Variants in PDGFRA observed in about 807,000 individuals in gnomAD.
The protein encoded by PDGFRA is platelet derived growth factor receptor alpha.
In PDGFRA, 25 loss-of-function variants were observed where a neutral mutation model predicts 121.5. The ratio of observed to expected loss-of-function variants is 0.21; its 90% CI spans 0.15 to 0.29. PDGFRA has a LOEUF of 0.29. PDGFRA is among the 10% of genes least tolerant of loss of function. PDGFRA has a pLI of 1.00. For missense variants in PDGFRA, 1,008 were observed against 1,345.1 expected (o/e 0.75, Z 3.92); for synonymous variants, 463 against 494.8 (o/e 0.94, Z 0.85).
intron 16 of PDGFRA, chr4:54,281,887 C>T (rs1347620419): frequency 5.2e-6 from 6 of 1,159,484 alleles, no homozygotes; most frequent in South Asian, 2.5e-5. Context: ...GATGCTATCA[C>T]ATGTGATTGG....
At chr4:54,282,688 A>AAT (rs746325817) in intron 16 of PDGFRA, among the ~76,000 whole-genome samples, 4 of 152,204 alleles carry the variant, frequency 2.6e-5, no homozygotes, top group Non-Finnish European at 5.9e-5. Context: ...ATCCCTCCAC[A>AAT]ATAGTCCCCT....
At chr4:54,262,219 T>C (rs1722788647) in intron 3 of PDGFRA, among the ~76,000 whole-genome samples, 1 of 151,876 alleles carries the variant, frequency 6.6e-6, no homozygotes. Context: ...CGTGAGCCAC[T>C]GTGCCCTAAT....
chr4:54,255,117 C>A (rs538788663), intron 1 of PDGFRA, among the ~76,000 whole-genome samples: 1 of 152,156 alleles, frequency 6.6e-6, no homozygotes, highest in African/African-American at 2.4e-5. Flanking sequence ...AGCTGTGTGA[C>A]CTTGGGTCAT....
intron 4 of PDGFRA, 41 bp from the exon 5 acceptor site, chr4:54,264,878 C>T (rs772119455): frequency 6.4e-7 from 1 of 1,567,424 alleles, no homozygotes; most frequent in South Asian, 1.1e-5. Context: ...TCCTGGCTAT[C>T]CTGTGGATTT....
intron 8 of PDGFRA, 116 bp from the exon 9 acceptor site, chr4:54,272,278 C>G: frequency 9.4e-7 from 1 of 1,069,234 alleles, no homozygotes; most frequent in Non-Finnish European, 1.4e-6. Flanking sequence ...GGTTTCAGCC[C>G]CTCCGGAGTG....
chr4:54,233,878 A>T (rs540949392), intron 1 of PDGFRA, among the ~76,000 whole-genome samples: 1 of 152,096 alleles, frequency 6.6e-6, no homozygotes, highest in East Asian at 2.0e-4. Flanking sequence ...CAACGGTAAC[A>T]GTCGTTTCCA....
chr4:54,273,511 T>C (rs1285303361), intron 9 of PDGFRA, 26 bp from the exon 10 acceptor site: 1 of 1,601,052 alleles, frequency 6.2e-7, no homozygotes, highest in Non-Finnish European at 8.6e-7. Flanking sequence ...GAATTGGCCC[T>C]ATACTTAGGC....
chr4:54,267,770 T>C lies in PDGFRA; in HGVS notation c.1121+29T>C, dbSNP rs778296550. ...AAGAAACTCTCTGCCCAAGTATGCC[T>C]TTTTTTAGTGTGCATCAGAGGCGGA... On this transcript the variant is annotated intron_variant, in intron 7 of 22. Coordinates refer to ENST00000257290, the MANE Select transcript of PDGFRA (RefSeq NM_006206.6). 1.7e-5 allele frequency: 26 copies of C among 1,573,934 alleles called. No homozygotes were observed. In the South Asian group the frequency reaches 2.9e-4, roughly 17 times the overall value.
chr4:54,291,645 TG>T (rs1339429653), intron 22 of PDGFRA, among the ~76,000 whole-genome samples: 1 of 152,078 alleles, frequency 6.6e-6, no homozygotes, highest in African/African-American at 2.4e-5. Context: ...CTGGTGAGGT[TG>T]TGGAGAAAAG....
intron 15 of PDGFRA, among the ~76,000 whole-genome samples, chr4:54,279,882 C>A (rs527461537): frequency 6.6e-6 from 1 of 151,146 alleles, no homozygotes; most frequent in Admixed American, 6.6e-5. Context: ...GCCATTAATT[C>A]ATTCCTTTTT....
chr4:54,241,377 T>G (rs2110189396), intron 1 of PDGFRA, among the ~76,000 whole-genome samples: 2 of 152,214 alleles, frequency 1.3e-5, no homozygotes, highest in Middle Eastern at 6.8e-3. Flanking sequence ...GTAGAATGAC[T>G]GATTGTTTAG....
At chr4:54,272,546 C>T in intron 9 of PDGFRA, 26 bp downstream of exon 9, 1 of 1,609,682 alleles carries the variant, frequency 6.2e-7, no homozygotes, top group Non-Finnish European at 8.5e-7. Context: ...GTGTCTTCTT[C>T]TTTCGTGGTC....
chr4:54,269,500 TACATAC>T (rs770236047), intron 7 of PDGFRA, among the ~76,000 whole-genome samples: 47 of 136,292 alleles, frequency 3.4e-4, no homozygotes, highest in Middle Eastern at 3.5e-3. Flanking sequence ...TTTATGCACA[TACATAC>T]ACACACACAC....
chr4:54,265,189 T>A (rs1722967839), intron 5 of PDGFRA, 140 bp downstream of exon 5: 1 of 776,568 alleles, frequency 1.3e-6, no homozygotes, highest in Non-Finnish European at 2.2e-6. Context: ...GATGAACACA[T>A]TTGATTAAAT....
At chr4:54,239,584 G>GTC (rs1721187596) in intron 1 of PDGFRA, among the ~76,000 whole-genome samples, 2 of 152,166 alleles carry the variant, frequency 1.3e-5, no homozygotes, top group Non-Finnish European at 2.9e-5. Context: ...CGGTGGGTGA[G>GTC]TCTCTCCTTG....
At chr4:54,236,298 T>C (rs1433498195) in intron 1 of PDGFRA, among the ~76,000 whole-genome samples, 1 of 152,202 alleles carries the variant, frequency 6.6e-6, no homozygotes, top group African/African-American at 2.4e-5. Flanking sequence ...TTAGATGAGC[T>C]CCAGAATAGC....
At chr4:54,285,054 T>A (rs1219696611) in intron 16 of PDGFRA, among the ~76,000 whole-genome samples, 1 of 151,722 alleles carries the variant, frequency 6.6e-6, no homozygotes, top group Non-Finnish European at 1.5e-5. Flanking sequence ...CCACCATGCC[T>A]GGCTAATTTT....
chr4:54,278,215 C>A lies in PDGFRA; in HGVS notation c.2003-147C>A, dbSNP rs564465312. ...CCAGTCCAGTCATAGCCATTCATGG[C>A]TCTTTATTAAAAAAAAAAAAAAAAA... On this transcript the variant is annotated intron_variant, in intron 14 of 22. Transcript: ENST00000257290. 7.3e-5 allele frequency: 51 copies of A among 700,448 alleles called. 1 individual carries two copies. The South Asian group carries it at 9.0e-4, about 12-fold the overall frequency. The allele number at this position is 700,448 out of a possible 1,614,324, so 43.4% of individuals were successfully genotyped here.
chr4:54,292,520 G>T (rs897853838), intron 22 of PDGFRA, among the ~76,000 whole-genome samples: 47 of 152,138 alleles, frequency 3.1e-4, no homozygotes, highest in African/African-American at 9.4e-4. Flanking sequence ...GCCTTTCAGG[G>T]GTTGGGGATT....
Sources: allele counts gnomAD v4.1 joint callset (sites outside exome capture counted in the v4.1 genomes callset), GRCh38; gene constraint gnomAD v4.1.1; transcripts MANE v1.5; gene names NCBI Gene and HGNC (gene_info 2026-07-23, HGNC 2026-07-21).